Variants in ZNF626 observed in about 807,000 individuals in gnomAD.
ZNF626 encodes the protein CTC-513N18.7.
Under a neutral mutation model 11.7 loss-of-function variants are expected in ZNF626, and 4 were observed. That is an observed-to-expected ratio of 0.34 (90% CI 0.17 to 0.78). ZNF626 has a LOEUF of 0.78. Among genes scored for constraint, ZNF626 ranks in the 30% least tolerant of loss-of-function variants. ZNF626 has a pLI of 0.57. For synonymous variants in ZNF626, 179 were observed against 198.6 expected (o/e 0.90, Z 0.83); for missense variants, 588 against 587.1 (o/e 1.00, Z -0.01).
intron 3 of ZNF626, among the ~76,000 whole-genome samples, chr19:20,631,822 C>A (rs1273596307): frequency 6.6e-6 from 1 of 151,616 alleles, no homozygotes; most frequent in Non-Finnish European, 1.5e-5. Flanking sequence ...TGAATTTGAT[C>A]CTGTCATTAT....
In ZNF626 at chr19:20,622,115, A is replaced by G. The variant is rs1555768804; in HGVS notation, c.*2175T>C. 1.3e-5 allele frequency: 2 copies of G among 152,180 alleles called. No homozygotes were observed. 9.4% of individuals were successfully genotyped at this position (152,180 alleles called of 1,614,324 possible). On this transcript the variant is annotated 3_prime_UTR_variant, in exon 4 of 4. Coordinates refer to ENST00000601440, the MANE Select transcript of ZNF626 (RefSeq NM_001076675.3). ...GGCAGGAGAATTTCTTGAACTTGGG[A>G]GGTGGAGGTTGCAGTCATTGTGCTG...
rs149857039 is a variant in ZNF626 at position 20,650,689 on chromosome 19, T to C, written c.4-4284A>G. Among the ~76,000 whole-genome samples the C allele has an allele frequency of 3.2e-3, 487 of 152,270 alleles. 3 individuals carry two copies. Among genetic ancestry groups the C allele is most frequent in the African/African-American group, 0.011 (453 of 41,554 alleles). ...GGACCCTATGTAGAATTCTGTTCTC[T>C]ATGTCACTGGGGTATTTCCAGTTTT... On this transcript the variant is annotated intron_variant, in intron 1 of 3. Transcript: ENST00000601440.
At chr19:20,626,972 G>A (rs374079239) in intron 3 of ZNF626, among the ~76,000 whole-genome samples, 57 of 151,922 alleles carry the variant, frequency 3.8e-4, no homozygotes, top group South Asian at 1.0e-3. Flanking sequence ...CTGAGATGGC[G>A]CCACTGCACT....
chr19:20,646,538 G>T, intron 1 of ZNF626, 133 bp from the exon 2 acceptor site: 4 of 1,493,146 alleles, frequency 2.7e-6, no homozygotes, highest in Non-Finnish European at 3.6e-6. Context: ...CCAATAAAAT[G>T]ATTTCAAAAC....
chr19:20,660,147 C>CTACT (rs1970248449), intron 1 of ZNF626, among the ~76,000 whole-genome samples: 1 of 151,020 alleles, frequency 6.6e-6, no homozygotes, highest in African/African-American at 2.4e-5. Flanking sequence ...GTAATCCCAG[C>CTACT]TACTGGTGGG....
chr19:20,630,439 T>C (rs1969889964), intron 3 of ZNF626, among the ~76,000 whole-genome samples: 2 of 152,206 alleles, frequency 1.3e-5, no homozygotes, highest in African/African-American at 4.8e-5. Context: ...AGCTATTGAT[T>C]ATTGCCTCAA....
At chr19:20,645,623 T>C in intron 3 of ZNF626, 61 bp downstream of exon 3, 1 of 1,579,234 alleles carries the variant, frequency 6.3e-7, no homozygotes. Flanking sequence ...ACTGGCTTTC[T>C]CTTTGACCTT....
At chr19:20,642,724 C>A (rs1970036408) in intron 3 of ZNF626, among the ~76,000 whole-genome samples, 1 of 151,698 alleles carries the variant, frequency 6.6e-6, no homozygotes, top group Non-Finnish European at 1.5e-5. Flanking sequence ...AGTATCATTA[C>A]GAAAATTTGT....
In ZNF626 at chr19:20,640,518, A is replaced by AAT. The variant is rs150246986; in HGVS notation, c.226+5164_226+5165dup. ...ACATGTGACAGAAATTAATATTCAA[A>AAT]ATATATAAACAACCCTTAAAACTAA... On this transcript the variant is annotated intron_variant, in intron 3 of 3. Transcript: ENST00000601440. 8.3e-3 allele frequency among the ~76,000 whole-genome samples: 1,263 copies of AAT among 151,632 alleles called. 14 individuals are homozygous for AAT. The highest frequency in any genetic ancestry group is 0.029 in the African/African-American group (1,203 of 41,516).
At chr19:20,637,378 G>C (rs374561045) in intron 3 of ZNF626, among the ~76,000 whole-genome samples, 1 of 151,524 alleles carries the variant, frequency 6.6e-6, no homozygotes, top group Non-Finnish European at 1.5e-5. Context: ...CCAGCTACAC[G>C]GGAGGCTGAG....
Position 20,626,654 on chromosome 19 carries a change from G to A in ZNF626, c.227-1004C>T, listed in dbSNP as rs559631151. Among the ~76,000 whole-genome samples the A allele has an allele frequency of 3.9e-5, 6 of 152,216 alleles. No individual in the cohort carries two copies. In the South Asian group the frequency reaches 1.2e-3, roughly 32 times the overall value. On this transcript the variant is annotated intron_variant, in intron 3 of 3. Transcript: ENST00000601440. ...ACAAGAATTGCTTGAACCTGGGAGG[G>A]GACAGTTGCAGTGAGTGAATATTGT...
At chr19:20,633,967 G>A (rs1454916981) in intron 3 of ZNF626, among the ~76,000 whole-genome samples, 1 of 152,158 alleles carries the variant, frequency 6.6e-6, no homozygotes, top group Non-Finnish European at 1.5e-5. Flanking sequence ...AAAACAAGAG[G>A]AGAAGGGGTC....
chr19:20,661,548 G>A lies in ZNF626; in HGVS notation c.-102C>T, dbSNP rs567553206. 16 of 1,337,746 alleles carry A rather than the reference G, an allele frequency of 1.2e-5. No homozygotes were observed. The highest frequency in any genetic ancestry group is 1.0e-4 in the African/African-American group (7 of 68,726). 82.9% of individuals were successfully genotyped at this position (1,337,746 alleles called of 1,614,324 possible). A position where few individuals can be genotyped will look rare whatever the true frequency, so the allele number is the denominator to read the frequency against. Reference sequence around the variant, plus strand: ...GGCCTTTAGGAGAAGAACCAGACCTGGAGCTCTGACTGCAGCGAGAGACAA... The same window carrying A: ...GGCCTTTAGGAGAAGAACCAGACCTAGAGCTCTGACTGCAGCGAGAGACAA... On this transcript the variant is annotated 5_prime_UTR_variant, in exon 1 of 4. Transcript: ENST00000601440.
intron 3 of ZNF626, among the ~76,000 whole-genome samples, chr19:20,634,659 G>A (rs1025054847): frequency 5.4e-5 from 8 of 147,788 alleles, no homozygotes; most frequent in African/African-American, 2.0e-4. Flanking sequence ...ACAAACAATC[G>A]AAAAAGGAGT....
In ZNF626 at chr19:20,646,323, T is replaced by C. The variant is rs782383346; in HGVS notation, c.86A>G (p.Tyr29Cys). 3 of 1,614,132 alleles carry C rather than the reference T, an allele frequency of 1.9e-6. No homozygotes were observed. Among genetic ancestry groups the C allele is most frequent in the Admixed American group, 1.7e-5 (1 of 60,010 alleles). The change falls in exon 2 of 4, where the codon TAT becomes TGT. Residue 29 changes from tyrosine (Y) to cysteine (C), a missense_variant. By Grantham distance (194) the Tyr-to-Cys change is radical. Around this residue, in one of 4 missense-constraint regions of ZNF626, gnomAD observed 524 missense variants for 470.1 expected, o/e 1.11. Coordinates refer to ENST00000601440, the MANE Select transcript of ZNF626 (RefSeq NM_001076675.3). ...HCLDTAQRNLYRNVMLENYSN... is the reference protein window; with the variant it reads ...HCLDTAQRNLCRNVMLENYSN... ...GTAGTTCTCTAACATCACATTCCTA[T>C]ATAAATTCCGCTGTGCAGTGTCCAG...
chr19:20,661,187 G>A (rs1970263498), intron 1 of ZNF626, among the ~76,000 whole-genome samples: 1 of 152,050 alleles, frequency 6.6e-6, no homozygotes, highest in South Asian at 2.1e-4. Context: ...ACGCCACGCT[G>A]CGGGTGCAGA....
intron 1 of ZNF626, among the ~76,000 whole-genome samples, chr19:20,648,378 TTC>T (rs1463029883): frequency 0.34 from 42,165 of 124,552 alleles, 7,249 homozygotes; most frequent in African/African-American, 0.54. Flanking sequence ...CTTCTTCTTC[TTC>T]TTTTTTTTTT....
intron 1 of ZNF626, among the ~76,000 whole-genome samples, chr19:20,647,091 C>T (rs2144785456): frequency 6.6e-6 from 1 of 152,170 alleles, no homozygotes; most frequent in South Asian, 2.1e-4. Flanking sequence ...GGTGATCTGC[C>T]CACTTTGGCC....
chr19:20,640,658 G>GAAA (rs35302204), intron 3 of ZNF626, among the ~76,000 whole-genome samples: 5 of 143,554 alleles, frequency 3.5e-5, no homozygotes, highest in African/African-American at 1.0e-4. Flanking sequence ...ATAGAGAAAT[G>GAAA]AAAAAAAAAA....
Sources: allele counts gnomAD v4.1 joint callset (sites outside exome capture counted in the v4.1 genomes callset), GRCh38; gene constraint gnomAD v4.1.1; regional missense constraint gnomAD v4.1.1; transcripts MANE v1.5; gene names NCBI Gene and HGNC (gene_info 2026-07-23, HGNC 2026-07-21).